The following FLRT2 variants were observed in gnomAD, a reference collection of about 807,000 sequenced individuals.
FLRT2 encodes leucine-rich repeat transmembrane protein FLRT2.
A neutral mutation model predicts 40.0 loss-of-function variants in FLRT2; 15 were observed. The observed-to-expected ratio is 0.38, with a 90% CI of 0.25 to 0.58. The LOEUF (loss-of-function observed/expected upper bound fraction) is 0.58. Among genes scored for constraint, FLRT2 ranks in the 20% least tolerant of loss-of-function variants. The pLI, the probability that FLRT2 is intolerant of heterozygous loss-of-function variation, is 0.71. For synonymous variants in FLRT2, 380 were observed against 336.8 expected, an observed-to-expected ratio of 1.13 and a Z score of -1.41; for missense variants, 726 against 840.0, an observed-to-expected ratio of 0.86 and a Z score of 1.68.
intron 1 of FLRT2, chr14:85,559,416 G>T (rs1566727476): frequency 6.6e-6 from 1 of 152,236 alleles, no homozygotes; most frequent in East Asian, 1.9e-4. Flanking sequence ...ACTGGATGCA[G>T]TAAGTAACCA....
In FLRT2 at chr14:85,622,504, A is replaced by C; in HGVS notation, c.990A>C (p.Ser330=). The C allele has an allele frequency of 6.2e-7, 1 of 1,614,052 alleles. No homozygotes were observed. Among genetic ancestry groups the C allele is most frequent in the Non-Finnish European group, 8.5e-7 (1 of 1,180,026 alleles). The part of the protein sequence containing the change: ...WVTEWLKYIP[S]SLNVRGFMCQ... Reference sequence around the variant, plus strand: ...CAGAATGGCTCAAATATATCCCTTCATCTCTCAACGTGCGGGGTTTCATGT... The same window carrying C: ...CAGAATGGCTCAAATATATCCCTTCCTCTCTCAACGTGCGGGGTTTCATGT... Residue 330 remains serine (S), a synonymous_variant, in exon 2 of 2, where the codon TCA becomes TCC. Transcript: ENST00000330753.
rs935493773 is a variant in FLRT2, at chr14:85,634,498, G to C, written c.*11001G>C. The C allele has an allele frequency of 6.6e-6, 1 of 152,186 alleles. No individual in the cohort carries two copies. Among genetic ancestry groups the C allele is most frequent in the Non-Finnish European group, 1.5e-5 (1 of 68,032 alleles). The allele number at this position is 152,186 out of a possible 1,614,324, so 9.4% of individuals were successfully genotyped here. On this transcript the variant is annotated 3_prime_UTR_variant, in exon 2 of 2. Coordinates refer to ENST00000330753, the MANE Select transcript of FLRT2 (RefSeq NM_013231.6). ...GCAGGAAGTGAGCTGTTTTGTAATG[G>C]AGGCCAATTATATCTAACAGCAACT...
intron 1 of FLRT2, among the ~76,000 whole-genome samples, chr14:85,591,031 T>C (rs1018974993): frequency 1.1e-4 from 16 of 152,184 alleles, no homozygotes; most frequent in African/African-American, 3.9e-4. Context: ...CTTCTTTATC[T>C]TTTTTGGGAA....
chr14:85,618,696 C>G (rs375501713), intron 1 of FLRT2, among the ~76,000 whole-genome samples: 1 of 152,172 alleles, frequency 6.6e-6, no homozygotes, highest in Non-Finnish European at 1.5e-5. Context: ...GTAACATGCT[C>G]TTGCATCTAT....
chr14:85,565,051 A>G lies in FLRT2; in HGVS notation c.-377+34517A>G, dbSNP rs1240984597. 2.6e-5 allele frequency among the ~76,000 whole-genome samples: 4 copies of G among 152,346 alleles called. No homozygotes were observed. The East Asian group carries it at 5.8e-4, about 22-fold the overall frequency. On this transcript the variant is annotated intron_variant, in intron 1 of 1. Coordinates refer to ENST00000330753, the MANE Select transcript of FLRT2 (RefSeq NM_013231.6). ...TAGTATGTATAACAGTCAGTGGTAC[A>G]AAGCCACAGAAATCCTAAAGTGTTA...
chr14:85,601,431 T>C (rs1233755879), intron 1 of FLRT2, among the ~76,000 whole-genome samples: 1 of 152,170 alleles, frequency 6.6e-6, no homozygotes, highest in Non-Finnish European at 1.5e-5. Context: ...ACATCACCAG[T>C]TCCCTGGGGA....
At position 85,533,250 on chromosome 14, in the gene FLRT2, T is replaced by A. The variant is rs554369543; in HGVS notation, c.-377+2716T>A. Among the ~76,000 whole-genome samples, 99 of 142,318 alleles carry A rather than the reference T, an allele frequency of 7.0e-4. 3 individuals are homozygous for A. Among genetic ancestry groups the A allele is most frequent in the South Asian group, 6.1e-3 (24 of 3,948 alleles). 93.4% of individuals were successfully genotyped at this position (142,318 alleles called of 152,430 possible). A position where few individuals can be genotyped will look rare whatever the true frequency, so the allele number is the denominator to read the frequency against. On this transcript the variant is annotated intron_variant, in intron 1 of 1. Transcript: ENST00000330753. ...AGGAGCGCGGGAGCTGCGGAGGCGA[T>A]CCCGCGAATTCATTACTGTAAACAT...
chr14:85,576,642 C>T (rs1381121718), intron 1 of FLRT2, among the ~76,000 whole-genome samples: 1 of 152,192 alleles, frequency 6.6e-6, no homozygotes, highest in East Asian at 1.9e-4. Flanking sequence ...AATGGCAGTA[C>T]ACACTGGTTG....
chr14:85,639,851 C>CCTT lies in FLRT2; in HGVS notation c.*16354_*16355insCTT, dbSNP rs1252600622. On this transcript the variant is annotated 3_prime_UTR_variant, in exon 2 of 2. Transcript: ENST00000330753. ...GAAATTCTTTATTTTTTTTTTTTTC[C>CCTT]TTTTTTTTTTTTTTTGAGACAGTGT... The CCTT allele has an allele frequency of 2.5e-5, 3 of 119,248 alleles. No individual in the cohort carries two copies. The highest frequency in any genetic ancestry group is 3.4e-5 in the African/African-American group (1 of 29,556). 7.4% of individuals were successfully genotyped at this position (119,248 alleles called of 1,614,324 possible). A position where few individuals can be genotyped will look rare whatever the true frequency, so the allele number is the denominator to read the frequency against.
intron 1 of FLRT2, among the ~76,000 whole-genome samples, chr14:85,594,669 A>C (rs2139322745): frequency 6.6e-6 from 1 of 152,170 alleles, no homozygotes; most frequent in Admixed American, 6.5e-5. Flanking sequence ...TTGAATCTAA[A>C]CCCGTCTCCT....
intron 1 of FLRT2, among the ~76,000 whole-genome samples, chr14:85,536,552 T>C (rs1566714587): frequency 6.6e-6 from 1 of 152,198 alleles, no homozygotes; most frequent in South Asian, 2.1e-4. Flanking sequence ...TTCACTAGAT[T>C]ACTTTAATAA....
In FLRT2 at chr14:85,633,443, G is replaced by A. The variant is rs913459023; in HGVS notation, c.*9946G>A. On this transcript the variant is annotated 3_prime_UTR_variant, in exon 2 of 2. Transcript: ENST00000330753. ...GCTGAAAATTAATTCAGAATATGTG[G>A]GTGTCAAAAGAGCCCCAGGAATGAG... 2 of 151,980 alleles carry A rather than the reference G, an allele frequency of 1.3e-5. No homozygotes were observed. The highest frequency in any genetic ancestry group is 4.8e-5 in the African/African-American group (2 of 41,358). The allele number at this position is 151,980 out of a possible 1,614,324, so 9.4% of individuals were successfully genotyped here. A position where few individuals can be genotyped will look rare whatever the true frequency, so the allele number is the denominator to read the frequency against.
chr14:85,622,271 C>A lies in FLRT2; in HGVS notation c.757C>A (p.His253Asn), dbSNP rs1308259742. Residue 253 changes from histidine to asparagine, a missense_variant, in exon 2 of 2, where the codon CAT becomes AAT. His to Asn is a moderately conservative substitution (Grantham distance 68). Coordinates refer to ENST00000330753, the MANE Select transcript of FLRT2 (RefSeq NM_013231.6). Reference protein sequence around the residue: ...SHPPPDLPGTHLIRLYLQDNQ... With the variant: ...SHPPPDLPGTNLIRLYLQDNQ... Reference sequence around the variant, plus strand: ...CCCTCCTCCCGATCTCCCAGGTACGCATCTGATCAGGCTCTATTTGCAGGA... The same window carrying A: ...CCCTCCTCCCGATCTCCCAGGTACGAATCTGATCAGGCTCTATTTGCAGGA... 6.2e-7 allele frequency: 1 copy of A among 1,614,010 alleles called. No individual in the cohort carries two copies. Among genetic ancestry groups the A allele is most frequent in the East Asian group, 2.2e-5 (1 of 44,866 alleles).
At chr14:85,585,317 T>C (rs893197480) in intron 1 of FLRT2, among the ~76,000 whole-genome samples, 4 of 152,212 alleles carry the variant, frequency 2.6e-5, no homozygotes, top group African/African-American at 9.6e-5. Context: ...CTCATAAATC[T>C]CTTGCAGGTT....
At chr14:85,583,749 C>T (rs1408292986) in intron 1 of FLRT2, among the ~76,000 whole-genome samples, 1 of 152,106 alleles carries the variant, frequency 6.6e-6, no homozygotes, top group Non-Finnish European at 1.5e-5. Context: ...GAGGCAGAAG[C>T]CTCCTGAAAA....
At chr14:85,554,504 G>A (rs907867436) in intron 1 of FLRT2, among the ~76,000 whole-genome samples, 7 of 152,160 alleles carry the variant, frequency 4.6e-5, no homozygotes, top group Non-Finnish European at 1.0e-4. Context: ...TGTGGTTTGT[G>A]TACCTATTTT....
At chr14:85,613,464 CTCTA>C (rs986578898) in intron 1 of FLRT2, among the ~76,000 whole-genome samples, 1 of 152,168 alleles carries the variant, frequency 6.6e-6, no homozygotes, top group African/African-American at 2.4e-5. Flanking sequence ...TCATCCATCG[CTCTA>C]TCTATCCCTC....
rs1044859707 is a variant in FLRT2 at position 85,640,813 on chromosome 14, T to G, written c.*17316T>G. ...GCCTCCTATTCACTCTCTTAATAGC[T>G]TGAGAGAATTGTACACAAACGTTTC... is the stretch of plus-strand genomic sequence containing the variant. On this transcript the variant is annotated 3_prime_UTR_variant, in exon 2 of 2. Coordinates refer to ENST00000330753, the MANE Select transcript of FLRT2 (RefSeq NM_013231.6). The G allele has an allele frequency of 3.3e-5, 5 of 152,064 alleles. No individual in the cohort carries two copies. The highest frequency in any genetic ancestry group is 1.2e-4 in the African/African-American group (5 of 41,448). The allele number at this position is 152,064 out of a possible 1,614,324, so 9.4% of individuals were successfully genotyped here.
intron 1 of FLRT2, among the ~76,000 whole-genome samples, chr14:85,605,523 C>G (rs1373625459): frequency 2.6e-5 from 4 of 152,204 alleles, no homozygotes; most frequent in Non-Finnish European, 5.9e-5. Flanking sequence ...GTAATCCCAG[C>G]ACTTTGGGAG....
Sources: allele counts gnomAD v4.1 joint callset (sites outside exome capture counted in the v4.1 genomes callset), GRCh38; gene constraint gnomAD v4.1.1; transcripts MANE v1.5; gene names NCBI Gene and HGNC (gene_info 2026-07-23, HGNC 2026-07-21).